Variants in GPC5 observed in about 807,000 individuals in gnomAD.
The protein encoded by GPC5 is glypican-5.
A neutral mutation model predicts 53.9 loss-of-function variants in GPC5; 47 were observed. The ratio of observed to expected loss-of-function variants is 0.87; its 90% CI spans 0.69 to 1.11. The LOEUF (loss-of-function observed/expected upper bound fraction) is 1.11, where lower values mean the gene tolerates loss of function less well. GPC5 is among the 50% of genes most tolerant of loss of function. The probability of loss-of-function intolerance (pLI) is 0.00; values close to 1 mark genes in which losing one functional copy is unlikely to be tolerated. For synonymous variants in GPC5, 286 were observed against 263.3 expected (o/e 1.09, Z -0.84); for missense variants, 748 against 713.1 (o/e 1.05, Z -0.56).
intron 6 of GPC5, among the ~76,000 whole-genome samples, chr13:92,036,118 A>G (rs2040891194): frequency 6.6e-6 from 1 of 152,190 alleles, no homozygotes; most frequent in Admixed American, 6.5e-5. Flanking sequence ...GAGATTATTT[A>G]TTAGTCTGTT....
At position 91,672,856 on chromosome 13, in the gene GPC5, G is replaced by T. The variant is rs1205673913; in HGVS notation, c.326-20331G>T. ...CCAAATGCCCATCAATGAGAGCACG[G>T]ATAAGGCAAGTGTGGTACAAATATA... On this transcript the variant is annotated intron_variant, in intron 2 of 7. Coordinates refer to ENST00000377067, the MANE Select transcript of GPC5 (RefSeq NM_004466.6). 2.0e-5 allele frequency among the ~76,000 whole-genome samples: 3 copies of T among 152,166 alleles called. No individual in the cohort carries two copies. The South Asian group carries it at 6.2e-4, about 31-fold the overall frequency.
intron 7 of GPC5, among the ~76,000 whole-genome samples, chr13:92,437,232 C>T (rs576092645): frequency 1.3e-5 from 2 of 152,280 alleles, no homozygotes; most frequent in African/African-American, 4.8e-5. Context: ...AGAATCGGCC[C>T]TTTTAAGACC....
At chr13:91,560,551 T>A (rs950757017) in intron 2 of GPC5, among the ~76,000 whole-genome samples, 1 of 152,084 alleles carries the variant, frequency 6.6e-6, no homozygotes, top group Non-Finnish European at 1.5e-5. Context: ...TGCTAATTGG[T>A]CACAGTGTCC....
chr13:92,239,970 A>G (rs1177286888), intron 7 of GPC5: 1 of 43,722 alleles, frequency 2.3e-5, no homozygotes, highest in Non-Finnish European at 5.3e-5. Context: ...TTTTGTCCAT[A>G]TAATTAAAGA....
intron 2 of GPC5, among the ~76,000 whole-genome samples, chr13:91,584,844 G>T (rs1301099035): frequency 6.6e-6 from 1 of 152,144 alleles, no homozygotes; most frequent in African/African-American, 2.4e-5. Flanking sequence ...CTCCCAAAGT[G>T]CTGGGATTAC....
chr13:92,170,199 T>C (rs2139020028), intron 7 of GPC5, among the ~76,000 whole-genome samples: 1 of 151,968 alleles, frequency 6.6e-6, no homozygotes, highest in South Asian at 2.1e-4. Context: ...TGAGGGTTAC[T>C]CTAGTTTCTA....
chr13:91,663,635 T>C (rs1381005553), intron 2 of GPC5, among the ~76,000 whole-genome samples: 1 of 149,872 alleles, frequency 6.7e-6, no homozygotes, highest in East Asian at 2.0e-4. Flanking sequence ...TTAAAAACAT[T>C]TTTTTTTTTG....
intron 7 of GPC5, among the ~76,000 whole-genome samples, chr13:92,546,055 T>A (rs893782340): frequency 3.9e-5 from 6 of 152,136 alleles, no homozygotes; most frequent in Non-Finnish European, 8.8e-5. Flanking sequence ...ACAGCCAATA[T>A]CATACTGAAT....
chr13:92,652,046 T>C (rs926524511), intron 7 of GPC5, among the ~76,000 whole-genome samples: 7 of 152,160 alleles, frequency 4.6e-5, no homozygotes, highest in African/African-American at 1.2e-4. Flanking sequence ...AAGAGGTACA[T>C]ACTAAAGTGT....
intron 7 of GPC5, among the ~76,000 whole-genome samples, chr13:92,414,597 T>C (rs538743039): frequency 6.6e-6 from 1 of 152,056 alleles, no homozygotes; most frequent in Non-Finnish European, 1.5e-5. Flanking sequence ...CAGAGACAGA[T>C]GCTTGAGGGT....
intron 7 of GPC5, among the ~76,000 whole-genome samples, chr13:92,728,699 T>A (rs1367477612): frequency 6.6e-6 from 1 of 151,474 alleles, no homozygotes; most frequent in African/African-American, 2.4e-5. Context: ...CTGGGTAACA[T>A]AATTGTACTG....
intron 7 of GPC5, among the ~76,000 whole-genome samples, chr13:92,534,948 A>G (rs1377666266): frequency 1.3e-5 from 2 of 152,210 alleles, no homozygotes; most frequent in African/African-American, 4.8e-5. Context: ...AACGATACCT[A>G]TGTAATCATT....
At chr13:91,400,678 C>G (rs1010473518) in intron 1 of GPC5, among the ~76,000 whole-genome samples, 1 of 152,134 alleles carries the variant, frequency 6.6e-6, no homozygotes, top group Non-Finnish European at 1.5e-5. Context: ...ACTTTGCCTG[C>G]TATGTTCACC....
At chr13:91,410,570 T>C (rs937685204) in intron 1 of GPC5, among the ~76,000 whole-genome samples, 17 of 151,694 alleles carry the variant, frequency 1.1e-4, no homozygotes, top group South Asian at 6.2e-4. Context: ...ATGGTCTCGA[T>C]CTCCTGACCT....
At position 92,032,140 on chromosome 13, in the gene GPC5, G is replaced by A. The variant is rs555212562; in HGVS notation, c.1402-112690G>A. Among the ~76,000 whole-genome samples the A allele has an allele frequency of 5.1e-4, 75 of 147,260 alleles. 1 individual carries two copies. The highest frequency in any genetic ancestry group is 9.2e-4 in the Non-Finnish European group (62 of 67,372). ...AATTAATGGCATTCACAGCAACCTG[G>A]ATGGAACTGGGGACCATTATTCTAA... On this transcript the variant is annotated intron_variant, in intron 6 of 7. Coordinates refer to ENST00000377067, the MANE Select transcript of GPC5 (RefSeq NM_004466.6).
intron 7 of GPC5, among the ~76,000 whole-genome samples, chr13:92,648,974 A>T (rs897666927): frequency 1.3e-5 from 2 of 152,148 alleles, no homozygotes; most frequent in African/African-American, 4.8e-5. Context: ...ATAACCAGCT[A>T]GAACCTTCAG....
At chr13:91,572,032 T>TAC (rs2031886452) in intron 2 of GPC5, among the ~76,000 whole-genome samples, 4 of 118,286 alleles carry the variant, frequency 3.4e-5, no homozygotes, top group African/African-American at 1.5e-4. Context: ...CGTGTGTATA[T>TAC]ATGTGTATAT....
intron 6 of GPC5, among the ~76,000 whole-genome samples, chr13:92,010,480 C>T (rs1247091969): frequency 6.6e-6 from 1 of 152,182 alleles, no homozygotes; most frequent in East Asian, 1.9e-4. Context: ...TGCAACTGCA[C>T]ACATGTTATG....
intron 2 of GPC5, among the ~76,000 whole-genome samples, chr13:91,630,782 C>T (rs528836537): frequency 1.8e-4 from 28 of 152,212 alleles, no homozygotes; most frequent in Admixed American, 2.0e-4. Context: ...ACCTTTTCTT[C>T]TGGGGAAAAT....
Sources: gnomAD v4.1 joint callset for allele counts (sites outside exome capture counted in the v4.1 genomes callset) on GRCh38, gnomAD v4.1.1 for gene constraint, MANE v1.5 for transcripts, NCBI Gene and HGNC (gene_info 2026-07-23, HGNC 2026-07-21) for gene names.